FSIP1: variants seen among roughly 807,000 people sequenced by gnomAD.
FSIP1 encodes the protein fibrous sheath interacting protein 1.
FSIP1 carries 65 observed loss-of-function variants against 60.9 expected under a neutral mutation model. The ratio of observed to expected loss-of-function variants is 1.07; its 90% CI spans 0.87 to 1.31. The LOEUF (loss-of-function observed/expected upper bound fraction) is 1.31. FSIP1 is among the 40% of genes most tolerant of loss of function. The probability of loss-of-function intolerance (pLI) is 0.00; values close to 1 mark genes in which losing one functional copy is unlikely to be tolerated. For synonymous variants in FSIP1, 209 were observed against 221.2 expected, an observed-to-expected ratio of 0.94 and a Z score of 0.49; for missense variants, 675 against 665.5, an observed-to-expected ratio of 1.01 and a Z score of -0.16.
At chr15:39,602,414 G>C in intron 11 of FSIP1, 1 of 454,426 alleles carries the variant, frequency 2.2e-6, no homozygotes, top group South Asian at 1.6e-5. Context: ...AAAACTGTGA[G>C]AGAATAAATT....
intron 10 of FSIP1, among the ~76,000 whole-genome samples, chr15:39,640,712 A>C (rs1892329411): frequency 6.7e-6 from 1 of 148,296 alleles, no homozygotes; most frequent in Non-Finnish European, 1.5e-5. Context: ...CACGTGGTAG[A>C]AGAAGATTTA....
chr15:39,696,419 ATAAAT>A lies in FSIP1; in HGVS notation c.1188+17020_1188+17024del, dbSNP rs780315670. On this transcript the variant is annotated intron_variant, in intron 10 of 11. Coordinates refer to ENST00000350221, the MANE Select transcript of FSIP1 (RefSeq NM_152597.5). ...CAAATTTACTAGGAACCAAAAAAAT[ATAAAT>A]TAAAGCAACTATATCATTTTTAAAC... Among the ~76,000 whole-genome samples the A allele has an allele frequency of 3.9e-5, 6 of 152,338 alleles. 1 individual carries two copies. The East Asian group carries it at 7.7e-4, about 20-fold the overall frequency.
At chr15:39,685,975 A>T (rs770248992) in intron 10 of FSIP1, among the ~76,000 whole-genome samples, 45 of 152,232 alleles carry the variant, frequency 3.0e-4, no homozygotes, top group Non-Finnish European at 4.7e-4. Flanking sequence ...TTGCTGACAT[A>T]ATTAGCTAAA....
intron 3 of FSIP1, among the ~76,000 whole-genome samples, chr15:39,770,086 T>C (rs1371042506): frequency 2.6e-5 from 4 of 152,218 alleles, no homozygotes; most frequent in African/African-American, 9.6e-5. Flanking sequence ...GGACTATCCC[T>C]ATAAATTAGA....
chr15:39,693,215 T>C lies in FSIP1; in HGVS notation c.1188+20229A>G, dbSNP rs769292135. Among the ~76,000 whole-genome samples, 91 of 152,328 alleles carry C rather than the reference T, an allele frequency of 6.0e-4. 1 individual carries two copies. The highest frequency in any genetic ancestry group is 6.8e-4 in the Non-Finnish European group (46 of 68,038). ...ATTATTTAACACATGCACAAAACAA[T>C]AGAGTTTCACACCACGTAATCAACC... On this transcript the variant is annotated intron_variant, in intron 10 of 11. Transcript: ENST00000350221.
intron 10 of FSIP1, among the ~76,000 whole-genome samples, chr15:39,647,093 A>T (rs568498547): frequency 3.3e-5 from 5 of 152,344 alleles, no homozygotes; most frequent in South Asian, 2.1e-4. Context: ...GTTACCAGGG[A>T]TGTGGTGAGA....
rs1891306700 is a variant in FSIP1 at position 39,618,121 on chromosome 15, G to A, written c.1313C>T (p.Thr438Ile). 6.2e-7 allele frequency: 1 copy of A among 1,614,046 alleles called. No individual in the cohort carries two copies. Among genetic ancestry groups the A allele is most frequent in the African/African-American group, 1.3e-5 (1 of 74,924 alleles). The part of the protein sequence containing the change: ...ERKKEDIEDV[T>I]PVFPQLSRSI... Reference sequence around the variant, plus strand: ...CCTGGAAAGCTGGGGGAACACAGGTGTTACGTCCTCAATGTCTTCCTTTTT... The same window carrying A: ...CCTGGAAAGCTGGGGGAACACAGGTATTACGTCCTCAATGTCTTCCTTTTT... The change falls in exon 11 of 12, where the codon ACA becomes ATA. Residue 438 changes from threonine to isoleucine, a missense_variant. Thr to Ile is a moderately conservative substitution (Grantham distance 89). Coordinates refer to ENST00000350221, the MANE Select transcript of FSIP1 (RefSeq NM_152597.5).
intron 10 of FSIP1, among the ~76,000 whole-genome samples, chr15:39,633,972 T>C (rs1892018289): frequency 6.6e-6 from 1 of 152,112 alleles, no homozygotes; most frequent in Non-Finnish European, 1.5e-5. Context: ...CCCTCAGTTC[T>C]TCCACAAGCT....
intron 10 of FSIP1, among the ~76,000 whole-genome samples, chr15:39,647,406 A>C (rs1273878011): frequency 6.6e-6 from 1 of 151,586 alleles, no homozygotes; most frequent in African/African-American, 2.4e-5. Context: ...TTTGGTGGTC[A>C]AAAAAAAGAG....
At chr15:39,778,194 C>A (rs1450951220) in intron 1 of FSIP1, among the ~76,000 whole-genome samples, 1 of 152,150 alleles carries the variant, frequency 6.6e-6, no homozygotes, top group Non-Finnish European at 1.5e-5. Context: ...GCATAAGTCA[C>A]CAAAAGGCCA....
intron 9 of FSIP1, 48 bp downstream of exon 9, chr15:39,726,541 C>G (rs989298366): frequency 6.3e-7 from 1 of 1,577,370 alleles, no homozygotes. Flanking sequence ...ATTATGTGAA[C>G]AGCTTTAGCA....
In FSIP1 at chr15:39,648,180, GA is replaced by G. The variant is rs1275912308; in HGVS notation, c.1189-29936del. On this transcript the variant is annotated intron_variant, in intron 10 of 11. Transcript: ENST00000350221. ...ACTTAAAGTATAATAAAAAAAAAAA[GA>G]AAAAAAAAGAATCTAGTATAAAATT... Among the ~76,000 whole-genome samples the G allele has an allele frequency of 1.2e-4, 5 of 42,070 alleles. No individual in the cohort carries two copies. In the East Asian group the frequency reaches 1.7e-3, roughly 14 times the overall value. The allele number at this position is 42,070 out of a possible 152,430, so 27.6% of individuals were successfully genotyped here.
chr15:39,637,466 TAGCTG>T (rs1892183709), intron 10 of FSIP1, among the ~76,000 whole-genome samples: 1 of 152,172 alleles, frequency 6.6e-6, no homozygotes, highest in South Asian at 2.1e-4. Context: ...CTCAGCTAGC[TAGCTG>T]AGCTAACTAC....
intron 9 of FSIP1, among the ~76,000 whole-genome samples, chr15:39,716,810 G>A (rs1002732521): frequency 1.9e-5 from 1 of 51,288 alleles, no homozygotes; most frequent in African/African-American, 6.5e-5. Context: ...AACAGGCCAT[G>A]TCTTTTTTTT....
chr15:39,682,967 T>C (rs1315421840), intron 10 of FSIP1, among the ~76,000 whole-genome samples: 2 of 152,214 alleles, frequency 1.3e-5, no homozygotes, highest in East Asian at 3.9e-4. Flanking sequence ...TTCCAGTTGA[T>C]GGAAGTTCCT....
At chr15:39,700,406 A>G (rs1400813519) in intron 10 of FSIP1, among the ~76,000 whole-genome samples, 1 of 152,178 alleles carries the variant, frequency 6.6e-6, no homozygotes, top group Non-Finnish European at 1.5e-5. Context: ...AGCCTCTCCC[A>G]CTAGATCAAA....
At chr15:39,695,797 A>G (rs1894790370) in intron 10 of FSIP1, among the ~76,000 whole-genome samples, 1 of 152,254 alleles carries the variant, frequency 6.6e-6, no homozygotes. Flanking sequence ...TAAACCAGTG[A>G]GCTTACTACT....
At position 39,739,658 on chromosome 15, in the gene FSIP1, T is replaced by A. The variant is rs1431749837; in HGVS notation, c.780+7A>T. 6.3e-7 allele frequency: 1 copy of A among 1,591,180 alleles called. No individual in the cohort carries two copies. Among genetic ancestry groups the A allele is most frequent in the African/African-American group, 1.4e-5 (1 of 73,436 alleles). On this transcript the variant is annotated splice_region_variant and intron_variant, in intron 7 of 11. Coordinates refer to ENST00000350221, the MANE Select transcript of FSIP1 (RefSeq NM_152597.5). ...AAATTCTGGCTTCTGAATTTCTAAGTACATACCTCAATGTTTCTCTTAATA... is the reference window on the plus strand; with the variant it reads ...AAATTCTGGCTTCTGAATTTCTAAGAACATACCTCAATGTTTCTCTTAATA...
intron 11 of FSIP1, among the ~76,000 whole-genome samples, chr15:39,603,504 A>G (rs781199009): frequency 1.3e-5 from 2 of 152,252 alleles, no homozygotes; most frequent in African/African-American, 2.4e-5. Context: ...GGCAGACGGA[A>G]GTAGAGAGAC....
Sources: allele counts gnomAD v4.1 joint callset (sites outside exome capture counted in the v4.1 genomes callset), GRCh38; gene constraint gnomAD v4.1.1; transcripts MANE v1.5; gene names NCBI Gene and HGNC (gene_info 2026-07-23, HGNC 2026-07-21).